CHD6: variants seen among roughly 807,000 people sequenced by gnomAD.
CHD6 encodes the protein ATP-dependent chromatin remodeler CHD6.
CHD6 carries 50 observed loss-of-function variants against 276.9 expected under a neutral mutation model. The observed-to-expected ratio is 0.18, with a 90% CI of 0.14 to 0.23. CHD6 has a LOEUF of 0.23. Ranked by LOEUF, CHD6 falls within the 10% of genes least tolerant of loss-of-function variation. CHD6 has a pLI of 1.00. For missense variants in CHD6, 2,564 were observed against 3,365.8 expected, an observed-to-expected ratio of 0.76 and a Z score of 5.89; for synonymous variants, 1,173 against 1,229.3, an observed-to-expected ratio of 0.95 and a Z score of 0.96.
intron 1 of CHD6, among the ~76,000 whole-genome samples, 186 bp downstream of exon 1, chr20:41,618,154 G>GCCGCCCGC (rs1300317211): frequency 6.7e-6 from 1 of 150,126 alleles, no homozygotes; most frequent in Non-Finnish European, 1.5e-5. Flanking sequence ...CCTCCGCCAG[G>GCCGCCCGC]CCGCCCGCCC....
chr20:41,585,538 G>C (rs371613512), intron 1 of CHD6, among the ~76,000 whole-genome samples: 38 of 147,258 alleles, frequency 2.6e-4, no homozygotes, highest in Non-Finnish European at 4.2e-4. Context: ...AAAAGAAACA[G>C]AGAATTTGAA....
intron 13 of CHD6, 87 bp downstream of exon 13, chr20:41,488,341 T>C: frequency 8.4e-7 from 1 of 1,190,648 alleles, no homozygotes; most frequent in Non-Finnish European, 1.2e-6. Flanking sequence ...TAGGCAGAAA[T>C]AAGTTACATG....
At chr20:41,443,607 CT>C (rs1179339273) in intron 25 of CHD6, among the ~76,000 whole-genome samples, 1 of 152,170 alleles carries the variant, frequency 6.6e-6, no homozygotes, top group African/African-American at 2.4e-5. Flanking sequence ...CTTGTTTCAC[CT>C]CTTGGATGTC....
intron 24 of CHD6, among the ~76,000 whole-genome samples, chr20:41,447,537 G>A (rs761675470): frequency 1.3e-5 from 2 of 152,150 alleles, no homozygotes; most frequent in Non-Finnish European, 2.9e-5. Flanking sequence ...ACAGGATGGT[G>A]GGTAAAACTT....
At chr20:41,443,030 G>GA (rs2047947527) in intron 25 of CHD6, among the ~76,000 whole-genome samples, 1 of 152,170 alleles carries the variant, frequency 6.6e-6, no homozygotes, top group Non-Finnish European at 1.5e-5. Context: ...CCTGTACAAT[G>GA]AGACACTTCA....
chr20:41,618,065 CGAGCGAAAGCGGGAGCGG>C, intron 1 of CHD6, among the ~76,000 whole-genome samples: 1 of 148,738 alleles, frequency 6.7e-6, no homozygotes, highest in Non-Finnish European at 1.5e-5. Flanking sequence ...CCGCCCGGCC[CGAGCGAAAGCGGGAGCGG>C]GAGCAGTAGC....
intron 2 of CHD6, among the ~76,000 whole-genome samples, chr20:41,549,094 A>G (rs2045101657): frequency 6.6e-6 from 1 of 152,090 alleles, no homozygotes; most frequent in Admixed American, 6.5e-5. Context: ...GCGATTCCTC[A>G]GGGATCTAGA....
chr20:41,569,706 T>C (rs1490503370), intron 1 of CHD6, among the ~76,000 whole-genome samples: 4 of 152,006 alleles, frequency 2.6e-5, no homozygotes, highest in Non-Finnish European at 4.4e-5. Context: ...TTAATAACAA[T>C]AAGGCAATTA....
intron 3 of CHD6, among the ~76,000 whole-genome samples, chr20:41,520,139 T>C (rs193101608): frequency 6.6e-6 from 1 of 152,188 alleles, no homozygotes; most frequent in African/African-American, 2.4e-5. Flanking sequence ...TCACACCAGT[T>C]AGAATGGTGA....
In CHD6 at chr20:41,452,673, T is replaced by C; in HGVS notation, c.3323+67A>G. The C allele has an allele frequency of 2.1e-6, 3 of 1,414,764 alleles. No homozygotes were observed. Among genetic ancestry groups the C allele is most frequent in the South Asian group, 2.4e-5 (2 of 82,680 alleles). The allele number at this position is 1,414,764 out of a possible 1,614,324, so 87.6% of individuals were successfully genotyped here. The stretch of plus-strand genomic sequence containing the variant: ...ACTGGAGAGACATCCTAGACAAATC[T>C]CAGGGACTGAAAAACAGAGGGGAAC... On this transcript the variant is annotated intron_variant, in intron 21 of 36. Transcript: ENST00000373233. The surrounding 1 kb of genome is among the most constrained non-coding windows in gnomAD (Gnocchi z 4.2).
rs143570961 is a variant in CHD6, at chr20:41,487,707, G to T, written c.1959C>A (p.Thr653=). 1.6e-5 allele frequency: 25 copies of T among 1,610,936 alleles called. No individual in the cohort carries two copies. The African/African-American group carries it at 2.8e-4, about 18-fold the overall frequency. Residue 653 remains threonine (T), a synonymous_variant, in exon 14 of 37, where the codon ACC becomes ACA. Transcript: ENST00000373233. The stretch of plus-strand genomic sequence containing the variant: ...GATCTCCAAATTCCTCCAAGAAAGC[G>T]GTCTCTGAAGGAAACTGTGATGGCT... ...FLEPSQFPSE[T]AFLEEFGDLK...
In CHD6 at chr20:41,421,548, T is replaced by C. The variant is rs2047192924; in HGVS notation, c.5087A>G (p.Glu1696Gly). The C allele has an allele frequency of 6.2e-7, 1 of 1,612,774 alleles. No individual in the cohort carries two copies. The highest frequency in any genetic ancestry group is 8.5e-7 in the Non-Finnish European group (1 of 1,179,428). Residue 1696 changes from glutamate to glycine, a missense_variant, in exon 31 of 37, where the codon GAA (glutamate) becomes GGA (glycine). Glu to Gly is a moderately conservative substitution (Grantham distance 98). Around this residue, in one of 7 missense-constraint regions of CHD6, gnomAD observed 1,024 missense variants for 1,047.9 expected, o/e 0.98. Coordinates refer to ENST00000373233, the MANE Select transcript of CHD6 (RefSeq NM_032221.5). The part of the protein sequence containing the change: ...VQDVISINHD[E>G]SLLPESLESM... ...CTCTAAGGACTCAGGCAGCAGACTTTCATCATGGTTGATGGAAATGACATC... is the reference window on the plus strand; with the variant it reads ...CTCTAAGGACTCAGGCAGCAGACTTCCATCATGGTTGATGGAAATGACATC...
intron 5 of CHD6, among the ~76,000 whole-genome samples, chr20:41,501,786 A>G (rs1386454722): frequency 1.3e-5 from 2 of 152,220 alleles, no homozygotes; most frequent in African/African-American, 4.8e-5. Context: ...GACACCTACC[A>G]GCAAGGTATG....
At chr20:41,484,086 T>A (rs942676881) in intron 15 of CHD6, among the ~76,000 whole-genome samples, 6 of 152,182 alleles carry the variant, frequency 3.9e-5, no homozygotes, top group Non-Finnish European at 8.8e-5. Flanking sequence ...GTGAGTGATA[T>A]CCATCTTCTG....
intron 1 of CHD6, among the ~76,000 whole-genome samples, chr20:41,581,950 A>G (rs1263604003): frequency 1.3e-5 from 2 of 152,210 alleles, no homozygotes; most frequent in African/African-American, 4.8e-5. Context: ...TCTTCTCTGT[A>G]TAAAAGCAAC....
intron 1 of CHD6, among the ~76,000 whole-genome samples, chr20:41,617,443 A>C (rs1017726661): frequency 1.3e-5 from 2 of 152,214 alleles, no homozygotes; most frequent in African/African-American, 4.8e-5. Context: ...AGCTGCAAAC[A>C]AACTCAAATT....
chr20:41,460,393 G>A (rs2048506868), intron 17 of CHD6, among the ~76,000 whole-genome samples: 1 of 152,244 alleles, frequency 6.6e-6, no homozygotes, highest in African/African-American at 2.4e-5. Context: ...TTTAGGCCAT[G>A]TCAGAGACCT....
intron 8 of CHD6, among the ~76,000 whole-genome samples, chr20:41,495,642 A>T (rs2043666904): frequency 6.6e-6 from 1 of 152,218 alleles, no homozygotes; most frequent in African/African-American, 2.4e-5. Context: ...GAAAGAAAAA[A>T]AACCCCCTAC....
At chr20:41,554,174 A>G (rs147064307) in intron 1 of CHD6, among the ~76,000 whole-genome samples, 1 of 152,282 alleles carries the variant, frequency 6.6e-6, no homozygotes, top group African/African-American at 2.4e-5. Context: ...ACACTACAGG[A>G]AAACTCTACC....
Sources: gnomAD v4.1 joint callset for allele counts (sites outside exome capture counted in the v4.1 genomes callset) on GRCh38, gnomAD v4.1.1 for gene constraint, gnomAD v4.1.1 regional missense constraint, Gnocchi (gnomAD v3.1) non-coding constraint, MANE v1.5 for transcripts, NCBI Gene and HGNC (gene_info 2026-07-23, HGNC 2026-07-21) for gene names.